GLI3: variants seen among roughly 807,000 people sequenced by gnomAD.
The protein encoded by GLI3 is transcription activator GLI3.
Under a neutral mutation model 100.8 loss-of-function variants are expected in GLI3, and 20 were observed. The observed-to-expected ratio is 0.20, with a 90% CI of 0.14 to 0.29. The LOEUF is 0.29. Among genes scored for constraint, GLI3 ranks in the 10% least tolerant of loss-of-function variants. GLI3 has a pLI of 1.00. For synonymous variants in GLI3, 938 were observed against 860.5 expected, an observed-to-expected ratio of 1.09 and a Z score of -1.58; for missense variants, 2,040 against 2,128.5, an observed-to-expected ratio of 0.96 and a Z score of 0.82.
intron 2 of GLI3, among the ~76,000 whole-genome samples, chr7:42,190,333 C>T (rs1225204475): frequency 6.6e-6 from 1 of 152,024 alleles, no homozygotes; most frequent in Non-Finnish European, 1.5e-5. Flanking sequence ...CAAATCCACC[C>T]AAGATTAGAA....
chr7:42,151,836 G>A (rs1280653318), intron 2 of GLI3: 1 of 151,740 alleles, frequency 6.6e-6, no homozygotes, highest in African/African-American at 2.4e-5. Context: ...AACTGTCCCA[G>A]AATTTCCAAA....
intron 2 of GLI3, among the ~76,000 whole-genome samples, chr7:42,216,830 C>T (rs1328612512): frequency 6.6e-6 from 1 of 152,140 alleles, no homozygotes; most frequent in African/African-American, 2.4e-5. Flanking sequence ...AGGCCAAGAG[C>T]CCTTGCATTT....
chr7:42,250,113 ACT>A (rs1171262823), intron 1 of GLI3, among the ~76,000 whole-genome samples: 2 of 151,504 alleles, frequency 1.3e-5, no homozygotes, highest in Admixed American at 1.3e-4. Context: ...AAAAAAAGTT[ACT>A]CTCTTTTCTT....
intron 3 of GLI3, among the ~76,000 whole-genome samples, chr7:42,134,194 T>C (rs1786368941): frequency 6.6e-6 from 1 of 152,054 alleles, no homozygotes; most frequent in Non-Finnish European, 1.5e-5. Context: ...TCCCCAGGGA[T>C]GACATCTCAA....
chr7:42,205,243 T>C (rs1788126132), intron 2 of GLI3, among the ~76,000 whole-genome samples: 1 of 152,180 alleles, frequency 6.6e-6, no homozygotes, highest in African/African-American at 2.4e-5. Flanking sequence ...ATCCTACACA[T>C]ACCTTCTCTC....
At chr7:42,255,175 T>C in intron 1 of GLI3, among the ~76,000 whole-genome samples, 1 of 152,100 alleles carries the variant, frequency 6.6e-6, no homozygotes, top group Non-Finnish European at 1.5e-5. Flanking sequence ...TTGTTAATGC[T>C]ACACTACAAA....
At chr7:42,082,606 C>CT (rs1456327463) in intron 3 of GLI3, among the ~76,000 whole-genome samples, 39 of 152,228 alleles carry the variant, frequency 2.6e-4, no homozygotes, top group African/African-American at 8.7e-4. Flanking sequence ...CACTAGGAAT[C>CT]TTTTTTCTGG....
chr7:42,170,462 G>A (rs1436254158), intron 2 of GLI3, among the ~76,000 whole-genome samples: 3 of 139,766 alleles, frequency 2.1e-5, no homozygotes. Context: ...GAGTGCAGTG[G>A]CACAATCTCC....
At chr7:42,250,643 G>C (rs572382512) in intron 1 of GLI3, among the ~76,000 whole-genome samples, 2 of 152,166 alleles carry the variant, frequency 1.3e-5, no homozygotes, top group Non-Finnish European at 2.9e-5. Flanking sequence ...CCAATGCACA[G>C]CCTGGTGCAT....
At chr7:42,012,255 G>C (rs1176096847) in intron 10 of GLI3, among the ~76,000 whole-genome samples, 1 of 152,102 alleles carries the variant, frequency 6.6e-6, no homozygotes, top group East Asian at 1.9e-4. Context: ...CTGTTACAGA[G>C]AATCGACAAG....
At chr7:42,248,866 G>A (rs372896504) in intron 1 of GLI3, among the ~76,000 whole-genome samples, 9 of 151,950 alleles carry the variant, frequency 5.9e-5, no homozygotes, top group African/African-American at 2.2e-4. Flanking sequence ...ACAGCTCACT[G>A]CAGCCTCAAC....
chr7:41,966,747 T>G lies in GLI3; in HGVS notation c.2432-106A>C. 1 of 1,157,388 alleles carries G rather than the reference T, an allele frequency of 8.6e-7. No individual in the cohort carries two copies. Among genetic ancestry groups the G allele is most frequent in the South Asian group, 1.3e-5 (1 of 79,846 alleles). 71.7% of individuals were successfully genotyped at this position (1,157,388 alleles called of 1,614,324 possible). A position where few individuals can be genotyped will look rare whatever the true frequency, so the allele number is the denominator to read the frequency against. ...TCTGTAAAGGGCCAGCTAGGAACTA[T>G]TTCTGGTGTCCCAGGCCACATTGCC... On this transcript the variant is annotated intron_variant, in intron 14 of 14. Coordinates refer to ENST00000395925, the MANE Select transcript of GLI3 (RefSeq NM_000168.6). The surrounding 1 kb of genome is among the most constrained non-coding windows in gnomAD (Gnocchi z 5.8).
intron 2 of GLI3, among the ~76,000 whole-genome samples, chr7:42,159,338 G>A (rs1787079213): frequency 6.6e-6 from 1 of 152,192 alleles, no homozygotes; most frequent in African/African-American, 2.4e-5. Flanking sequence ...GCACTTGGAA[G>A]CAGCTTTGCT....
chr7:42,209,820 CTT>C (rs553838767), intron 2 of GLI3, among the ~76,000 whole-genome samples: 45 of 138,328 alleles, frequency 3.3e-4, no homozygotes, highest in Non-Finnish European at 4.9e-4. Context: ...GGTTCTCTCT[CTT>C]TTTTTTTTTT....
intron 2 of GLI3, among the ~76,000 whole-genome samples, chr7:42,213,113 AT>A (rs960241703): frequency 1.3e-5 from 2 of 152,138 alleles, no homozygotes; most frequent in Admixed American, 1.3e-4. Context: ...GAATCTGTGG[AT>A]TTTTTTCTCC....
chr7:42,088,824 T>C (rs1276886943), intron 3 of GLI3, among the ~76,000 whole-genome samples: 1 of 152,220 alleles, frequency 6.6e-6, no homozygotes, highest in African/African-American at 2.4e-5. Context: ...CTCCTTTCAC[T>C]GAGCCTAGGC....
intron 4 of GLI3, among the ~76,000 whole-genome samples, chr7:42,060,267 T>C (rs1248216854): frequency 2.0e-5 from 3 of 152,186 alleles, no homozygotes; most frequent in Non-Finnish European, 4.4e-5. Flanking sequence ...TGGCTTCCGT[T>C]GCCTTGTTGA....
At chr7:42,188,002 C>CAAAAAAAAAAAAAAAAAA (rs56140906) in intron 2 of GLI3, among the ~76,000 whole-genome samples, 3 of 85,300 alleles carry the variant, frequency 3.5e-5, no homozygotes, top group Non-Finnish European at 6.6e-5. Context: ...GACTCCATCT[C>CAAAAAAAAAAAAAAAAAA]AAAAAAAAAA....
intron 1 of GLI3, among the ~76,000 whole-genome samples, chr7:42,250,802 G>A (rs531367292): frequency 2.6e-4 from 39 of 152,178 alleles, no homozygotes; most frequent in South Asian, 8.3e-4. Context: ...AAAGGCCAGC[G>A]GGGAGTTGGG....
Sources: gnomAD v4.1 joint callset for allele counts (sites outside exome capture counted in the v4.1 genomes callset) on GRCh38, gnomAD v4.1.1 for gene constraint, Gnocchi (gnomAD v3.1) non-coding constraint, MANE v1.5 for transcripts, NCBI Gene and HGNC (gene_info 2026-07-23, HGNC 2026-07-21) for gene names.